Variants in MTA3 observed in about 807,000 individuals in gnomAD.
The protein encoded by MTA3 is metastasis associated 1 family member 3, also known as metastasis-associated protein MTA3.
A neutral mutation model predicts 83.5 loss-of-function variants in MTA3; 34 were observed. The ratio of observed to expected loss-of-function variants is 0.41; its 90% CI spans 0.31 to 0.54. The LOEUF is 0.54. Ranked by LOEUF, MTA3 falls within the 20% of genes least tolerant of loss-of-function variation. The probability of loss-of-function intolerance (pLI) is 0.33; values close to 1 mark genes in which losing one functional copy is unlikely to be tolerated. For synonymous variants in MTA3, 303 were observed against 252.7 expected, an observed-to-expected ratio of 1.20 and a Z score of -1.89; for missense variants, 761 against 726.4, an observed-to-expected ratio of 1.05 and a Z score of -0.55.
intron 4 of MTA3, among the ~76,000 whole-genome samples, chr2:42,639,066 T>TC (rs1315029939): frequency 6.7e-6 from 1 of 149,452 alleles, no homozygotes; most frequent in African/African-American, 2.4e-5. Flanking sequence ...TTTCTTTCTT[T>TC]TTTTTTTTTT....
intron 3 of MTA3, among the ~76,000 whole-genome samples, chr2:42,580,423 G>C (rs1287302344): frequency 1.3e-5 from 2 of 151,834 alleles, no homozygotes; most frequent in Non-Finnish European, 2.9e-5. Context: ...CCAGACTGGA[G>C]TGCAGTGGTG....
intron 3 of MTA3, among the ~76,000 whole-genome samples, chr2:42,587,999 AG>A: frequency 6.6e-6 from 1 of 152,150 alleles, no homozygotes; most frequent in East Asian, 1.9e-4. Flanking sequence ...ACATTTTCTG[AG>A]TTCATAAGGC....
At chr2:42,604,572 TTC>T (rs202106502) in intron 3 of MTA3, among the ~76,000 whole-genome samples, 8,712 of 79,914 alleles carry the variant, frequency 0.11, 386 homozygotes, top group African/African-American at 0.22. Context: ...AATGTTTCTT[TTC>T]TTTTTTTTTT....
intron 3 of MTA3, among the ~76,000 whole-genome samples, chr2:42,594,663 TACAC>T (rs1357792647): frequency 2.0e-5 from 2 of 100,264 alleles, no homozygotes; most frequent in African/African-American, 7.5e-5. Flanking sequence ...AATATATATA[TACAC>T]ACATATATAA....
intron 9 of MTA3, among the ~76,000 whole-genome samples, chr2:42,690,242 G>A (rs1180259169): frequency 1.3e-5 from 2 of 152,274 alleles, no homozygotes; most frequent in East Asian, 3.9e-4. Context: ...AGCACTTAAT[G>A]GCAGTACAAC....
At chr2:42,597,659 C>G (rs1441660641) in intron 3 of MTA3, among the ~76,000 whole-genome samples, 4 of 145,192 alleles carry the variant, frequency 2.8e-5, no homozygotes, top group African/African-American at 1.0e-4. Context: ...GCTGGGATTA[C>G]AGGTGTGAGC....
At chr2:42,705,815 T>C (rs1358507306) in intron 12 of MTA3, among the ~76,000 whole-genome samples, 1 of 152,212 alleles carries the variant, frequency 6.6e-6, no homozygotes, top group Non-Finnish European at 1.5e-5. Flanking sequence ...ATAAGCTATT[T>C]TTATTTTATA....
chr2:42,753,675 C>A lies in MTA3; in HGVS notation c.*276C>A. On this transcript the variant is annotated 3_prime_UTR_variant, in exon 17 of 17. Coordinates refer to ENST00000405094, the MANE Select transcript of MTA3 (RefSeq NM_001330442.2). Reference sequence around the variant, plus strand: ...CTGAGAATTGAGGGGCTGAGGGAACCCCTCCACCTCCTCCCTTCTGCAGCG... The same window carrying A: ...CTGAGAATTGAGGGGCTGAGGGAACACCTCCACCTCCTCCCTTCTGCAGCG... The A allele has an allele frequency of 7.8e-7, 1 of 1,286,878 alleles. No individual in the cohort carries two copies. Among genetic ancestry groups the A allele is most frequent in the Non-Finnish European group, 9.9e-7 (1 of 1,008,906 alleles). The allele number at this position is 1,286,878 out of a possible 1,614,324, so 79.7% of individuals were successfully genotyped here. A position where few individuals can be genotyped will look rare whatever the true frequency, so the allele number is the denominator to read the frequency against.
chr2:42,714,071 C>A (rs1466049689), intron 14 of MTA3, among the ~76,000 whole-genome samples: 1 of 152,202 alleles, frequency 6.6e-6, no homozygotes, highest in African/African-American at 2.4e-5. Flanking sequence ...ACTTTGCTGG[C>A]AGTGTTACCC....
chr2:42,644,767 A>G (rs1177023392), intron 6 of MTA3, among the ~76,000 whole-genome samples: 2 of 152,176 alleles, frequency 1.3e-5, no homozygotes, highest in Non-Finnish European at 2.9e-5. Flanking sequence ...CTTAGAGGTA[A>G]CTATTGTAAT....
intron 4 of MTA3, among the ~76,000 whole-genome samples, chr2:42,614,526 C>A (rs1270772203): frequency 4.6e-5 from 7 of 152,190 alleles, no homozygotes; most frequent in Non-Finnish European, 1.0e-4. Flanking sequence ...GGCAACACAA[C>A]TCCTCACAAT....
intron 14 of MTA3, among the ~76,000 whole-genome samples, chr2:42,717,421 T>C (rs1299114576): frequency 6.6e-6 from 1 of 152,208 alleles, no homozygotes; most frequent in South Asian, 2.1e-4. Context: ...ATTCTGTTAA[T>C]ATTTATGACA....
At chr2:42,709,320 C>G (rs1314175199) in intron 14 of MTA3, 1 of 1,359,894 alleles carries the variant, frequency 7.4e-7, no homozygotes. Context: ...TACTCTTTAC[C>G]AGAGAGTAGT....
intron 3 of MTA3, among the ~76,000 whole-genome samples, chr2:42,590,246 G>C (rs1367500844): frequency 6.6e-6 from 1 of 152,146 alleles, no homozygotes; most frequent in East Asian, 1.9e-4. Flanking sequence ...GGCATAATGG[G>C]AGATGGTTGG....
chr2:42,570,392 AC>A (rs763743663), intron 1 of MTA3, 44 bp from the exon 2 acceptor site: 77 of 1,244,722 alleles, frequency 6.2e-5, no homozygotes, highest in Non-Finnish European at 8.2e-5. Flanking sequence ...ACAAATCTGA[AC>A]TTTCTGTTAA....
intron 11 of MTA3, among the ~76,000 whole-genome samples, chr2:42,699,358 C>T (rs1175959546): frequency 6.6e-6 from 1 of 152,156 alleles, no homozygotes; most frequent in Non-Finnish European, 1.5e-5. Context: ...CGCACCACCA[C>T]ACCCGACTAA....
chr2:42,606,842 C>T (rs1683491347), intron 3 of MTA3, among the ~76,000 whole-genome samples: 1 of 149,174 alleles, frequency 6.7e-6, no homozygotes, highest in Admixed American at 6.7e-5. Flanking sequence ...CCTCGGGAGG[C>T]CGAGGTTGGC....
intron 16 of MTA3, among the ~76,000 whole-genome samples, chr2:42,726,494 A>G (rs1258345184): frequency 2.0e-5 from 3 of 151,894 alleles, no homozygotes; most frequent in Admixed American, 1.3e-4. Flanking sequence ...TCCTAATGCT[A>G]TCCCTCCCCA....
chr2:42,538,361 G>A (rs1676350629), intron 2 of MTA3, among the ~76,000 whole-genome samples: 1 of 152,112 alleles, frequency 6.6e-6, no homozygotes, highest in Non-Finnish European at 1.5e-5. Flanking sequence ...TCTTGTTCTT[G>A]TAACTTTTCT....
Sources: gnomAD v4.1 joint callset for allele counts (sites outside exome capture counted in the v4.1 genomes callset) on GRCh38, gnomAD v4.1.1 for gene constraint, MANE v1.5 for transcripts, NCBI Gene and HGNC (gene_info 2026-07-23, HGNC 2026-07-21) for gene names.